Variants in ASTN2 observed in about 807,000 individuals in gnomAD.
The protein encoded by ASTN2 is astrotactin 2.
In ASTN2, 54 loss-of-function variants were observed where a neutral mutation model predicts 139.8. The observed-to-expected ratio is 0.39, with a 90% CI of 0.31 to 0.48. The LOEUF (loss-of-function observed/expected upper bound fraction) is 0.48. Among genes scored for constraint, ASTN2 ranks in the 20% least tolerant of loss-of-function variants. The pLI is 0.95. For missense variants in ASTN2, 1,565 were observed against 1,725.1 expected (o/e 0.91, Z 1.64); for synonymous variants, 756 against 719.5 (o/e 1.05, Z -0.81).
chr9:117,405,146 T>C (rs997791278), intron 1 of ASTN2, among the ~76,000 whole-genome samples: 2 of 152,188 alleles, frequency 1.3e-5, no homozygotes, highest in African/African-American at 4.8e-5. Flanking sequence ...GAAGTTCCTA[T>C]ATAAGAAACG....
intron 4 of ASTN2, among the ~76,000 whole-genome samples, chr9:117,108,400 T>C (rs1829159130): frequency 6.9e-6 from 1 of 144,200 alleles, no homozygotes; most frequent in Non-Finnish European, 1.6e-5. Context: ...TCAAGCAGCC[T>C]ACAATTGTGC....
chr9:116,889,246 G>T lies in ASTN2; in HGVS notation c.1890-25513C>A, dbSNP rs111448067. 3.2e-3 allele frequency among the ~76,000 whole-genome samples: 490 copies of T among 152,250 alleles called. 2 individuals carry two copies. The highest frequency in any genetic ancestry group is 0.011 in the African/African-American group (467 of 41,554). Reference sequence around the variant, plus strand: ...AAAAAAAAGAAGAGGAAAAAAGAAGGCAAGAGGGAGCAGGGAACTGCCATG... The same window carrying T: ...AAAAAAAAGAAGAGGAAAAAAGAAGTCAAGAGGGAGCAGGGAACTGCCATG... On this transcript the variant is annotated intron_variant, in intron 10 of 22. Transcript: ENST00000313400.
intron 19 of ASTN2, among the ~76,000 whole-genome samples, chr9:116,492,263 G>C (rs1849540069): frequency 1.3e-5 from 2 of 151,964 alleles, no homozygotes; most frequent in South Asian, 2.1e-4. Context: ...TGTATTTTTA[G>C]TAGAGACAGG....
At chr9:116,539,561 G>A (rs1255561132) in intron 19 of ASTN2, among the ~76,000 whole-genome samples, 1 of 152,148 alleles carries the variant, frequency 6.6e-6, no homozygotes, top group Non-Finnish European at 1.5e-5. Context: ...ACGATGCACA[G>A]TAGTCCCCAC....
intron 1 of ASTN2, among the ~76,000 whole-genome samples, chr9:117,387,038 C>T (rs1370706183): frequency 6.6e-6 from 1 of 152,170 alleles, no homozygotes; most frequent in African/African-American, 2.4e-5. Context: ...ACAGTCTACA[C>T]CCTGTTGATC....
In ASTN2 at chr9:117,043,453, C is replaced by G. The variant is rs935942160; in HGVS notation, c.1277-3488G>C. ...CTTTCTTTCACTAATTAACAAACTACCAGAAATACACTACCCCGGCTCCAC... is the reference window on the plus strand; with the variant it reads ...CTTTCTTTCACTAATTAACAAACTAGCAGAAATACACTACCCCGGCTCCAC... On this transcript the variant is annotated intron_variant, in intron 5 of 22. Transcript: ENST00000313400. Among the ~76,000 whole-genome samples, 15 of 152,114 alleles carry G rather than the reference C, an allele frequency of 9.9e-5. 1 individual carries two copies. Among genetic ancestry groups the G allele is most frequent in the Non-Finnish European group, 1.9e-4 (13 of 68,022 alleles).
At chr9:116,435,981 T>C (rs1588055147) in intron 22 of ASTN2, among the ~76,000 whole-genome samples, 1 of 152,224 alleles carries the variant, frequency 6.6e-6, no homozygotes, top group East Asian at 1.9e-4. Context: ...GAAGCACTGC[T>C]CTAAAACGCT....
intron 1 of ASTN2, among the ~76,000 whole-genome samples, chr9:117,354,724 GC>G (rs1449222510): frequency 6.6e-6 from 1 of 151,972 alleles, no homozygotes; most frequent in African/African-American, 2.4e-5. Context: ...CACAGGCCTT[GC>G]CTGATCCTAG....
At chr9:117,200,510 C>T (rs1588070991) in intron 3 of ASTN2, among the ~76,000 whole-genome samples, 1 of 151,900 alleles carries the variant, frequency 6.6e-6, no homozygotes, top group South Asian at 2.1e-4. Flanking sequence ...GTCATAAATA[C>T]CTGTTATTAT....
At chr9:117,251,084 G>C (rs1490460077) in intron 2 of ASTN2, among the ~76,000 whole-genome samples, 5 of 152,166 alleles carry the variant, frequency 3.3e-5, no homozygotes, top group Non-Finnish European at 7.3e-5. Context: ...AAGCTGAGGA[G>C]TCAGCACTAT....
rs879109670 is a variant in ASTN2 at position 116,611,302 on chromosome 9, T to C, written c.3355+7022A>G. ...AAAGCAGTAGTTAAGAGGGAATGAC[T>C]ACATTACAAGAAAGGTCTCAAATCA... On this transcript the variant is annotated intron_variant, in intron 19 of 22. Transcript: ENST00000313400. The C allele has an allele frequency of 2.0e-5, 3 of 152,266 alleles. No homozygotes were observed. In the South Asian group the frequency reaches 6.2e-4, roughly 31 times the overall value. The allele number at this position is 152,266 out of a possible 1,614,324, so 9.4% of individuals were successfully genotyped here. A position where few individuals can be genotyped will look rare whatever the true frequency, so the allele number is the denominator to read the frequency against.
intron 1 of ASTN2, among the ~76,000 whole-genome samples, chr9:117,297,181 C>A (rs1430677808): frequency 6.6e-6 from 1 of 152,224 alleles, no homozygotes; most frequent in Non-Finnish European, 1.5e-5. Context: ...AGCTGACCCT[C>A]CAGCAGATTA....
At chr9:116,800,981 C>A (rs1178084300) in intron 13 of ASTN2, among the ~76,000 whole-genome samples, 1 of 152,064 alleles carries the variant, frequency 6.6e-6, no homozygotes, top group Admixed American at 6.6e-5. Flanking sequence ...TAGGCAGGGG[C>A]AGGGAGGAGT....
At chr9:117,043,907 C>A (rs368506064) in intron 5 of ASTN2, among the ~76,000 whole-genome samples, 211 of 119,184 alleles carry the variant, frequency 1.8e-3, no homozygotes, top group South Asian at 4.1e-3. Context: ...GACTCTGTCT[C>A]AAAAAAAAAA....
intron 7 of ASTN2, among the ~76,000 whole-genome samples, chr9:116,998,549 T>TCATTCATCCATC (rs1554767975): frequency 0.04 from 6,017 of 150,608 alleles, 199 homozygotes; most frequent in East Asian, 0.15. Flanking sequence ...AATTTGATTT[T>TCATTCATCCATC]CATCCATCCA....
At chr9:116,497,271 G>A (rs549293821) in intron 19 of ASTN2, among the ~76,000 whole-genome samples, 7 of 152,304 alleles carry the variant, frequency 4.6e-5, no homozygotes, top group Admixed American at 3.3e-4. Context: ...CCTTTAAGGA[G>A]TTTGTAAAAA....
intron 16 of ASTN2, among the ~76,000 whole-genome samples, chr9:116,657,875 A>C (rs988525917): frequency 3.3e-5 from 5 of 151,308 alleles, no homozygotes; most frequent in Admixed American, 6.6e-5. Context: ...AAGAGAGGTC[A>C]GAAAGTAGCA....
chr9:117,403,531 C>T (rs1830896547), intron 1 of ASTN2, among the ~76,000 whole-genome samples: 1 of 152,138 alleles, frequency 6.6e-6, no homozygotes, highest in South Asian at 2.1e-4. Flanking sequence ...GTGCCTTCCC[C>T]CGATGCCCCA....
At chr9:117,337,487 G>A (rs542931257) in intron 1 of ASTN2, among the ~76,000 whole-genome samples, 1 of 152,298 alleles carries the variant, frequency 6.6e-6, no homozygotes, top group Non-Finnish European at 1.5e-5. Flanking sequence ...CTGGGTGGTT[G>A]CAAGCATTGT....
Sources: allele counts gnomAD v4.1 joint callset (sites outside exome capture counted in the v4.1 genomes callset), GRCh38; gene constraint gnomAD v4.1.1; transcripts MANE v1.5; gene names NCBI Gene and HGNC (gene_info 2026-07-23, HGNC 2026-07-21).